The following GRSF1 variants were observed in gnomAD, a reference collection of about 807,000 sequenced individuals.
GRSF1 encodes G-rich RNA sequence binding factor 1, also known as G-rich sequence factor 1.
GRSF1 carries 50 observed loss-of-function variants against 51.1 expected under a neutral mutation model. The observed-to-expected ratio is 0.98, with a 90% CI of 0.78 to 1.24. The LOEUF (loss-of-function observed/expected upper bound fraction) is 1.24. Ranked by LOEUF, GRSF1 falls within the 50% of genes most tolerant of loss-of-function variation. The pLI, the probability that GRSF1 is intolerant of heterozygous loss-of-function variation, is 0.00. For missense variants in GRSF1, 700 were observed against 639.7 expected, an observed-to-expected ratio of 1.09 and a Z score of -1.02; for synonymous variants, 293 against 253.3, an observed-to-expected ratio of 1.16 and a Z score of -1.49.
Position 70,817,030 on chromosome 4 carries a change from CACTT to C in GRSF1, c.*3853_*3856del, listed in dbSNP as rs1278128232. 2.0e-5 allele frequency: 3 copies of C among 152,128 alleles called. No individual in the cohort carries two copies. The highest frequency in any genetic ancestry group is 2.1e-4 in the South Asian group (1 of 4,824). 9.4% of individuals were successfully genotyped at this position (152,128 alleles called of 1,614,324 possible). A position where few individuals can be genotyped will look rare whatever the true frequency, so the allele number is the denominator to read the frequency against. On this transcript the variant is annotated 3_prime_UTR_variant, in exon 10 of 10. Transcript: ENST00000254799. ...TAAAAGAAATGACAACACCCACTAA[CACTT>C]GCTTATAAATAAAGTAAAAGTCACT...
In GRSF1 at chr4:70,818,876, T is replaced by G. The variant is rs908596265; in HGVS notation, c.*2011A>C. The G allele has an allele frequency of 1.3e-5, 2 of 152,150 alleles. No individual in the cohort carries two copies. Among genetic ancestry groups the G allele is most frequent in the Non-Finnish European group, 2.9e-5 (2 of 68,010 alleles). The allele number at this position is 152,150 out of a possible 1,614,324, so 9.4% of individuals were successfully genotyped here. A position where few individuals can be genotyped will look rare whatever the true frequency, so the allele number is the denominator to read the frequency against. On this transcript the variant is annotated 3_prime_UTR_variant, in exon 10 of 10. Transcript: ENST00000254799. ...TGATGCAAAACAGTCTTCTCAAATG[T>G]GGGGAGACGGTACCGTCTTCCACTT...
upstream of GRSF1, among the ~76,000 whole-genome samples, chr4:70,841,606 T>C (rs536296412): frequency 1.3e-5 from 2 of 152,350 alleles, no homozygotes; most frequent in African/African-American, 4.8e-5. Context: ...ATCTATCCCC[T>C]ACCACCATCT....
chr4:70,839,702 G>T lies in GRSF1; in HGVS notation c.126C>A (p.Gly42=). ...GCAGCAGGCGGCGGCGGCCCGAGAC[G>T]CCCGACGGGATAGAGCCAGCGGCGG... The part of the protein sequence containing the change: ...FYSAAGSIPS[G]VSGRRRLLLL... Residue 42 remains glycine, a synonymous_variant, in exon 1 of 10, where the codon GGC becomes GGA. Transcript: ENST00000254799. 1.4e-6 allele frequency: 2 copies of T among 1,467,934 alleles called. No individual in the cohort carries two copies. Among genetic ancestry groups the T allele is most frequent in the African/African-American group, 3.0e-5 (2 of 67,542 alleles). The allele number at this position is 1,467,934 out of a possible 1,614,324, so 90.9% of individuals were successfully genotyped here. A position where few individuals can be genotyped will look rare whatever the true frequency, so the allele number is the denominator to read the frequency against.
At chr4:70,825,724 G>A (rs554643829) in intron 7 of GRSF1, 2 of 296,294 alleles carry the variant, frequency 6.8e-6, no homozygotes, top group South Asian at 5.5e-5. Context: ...TTGAGGTCAG[G>A]AGATCAAAAC....
chr4:70,832,879 C>T (rs1734039907), intron 3 of GRSF1, among the ~76,000 whole-genome samples: 1 of 152,172 alleles, frequency 6.6e-6, no homozygotes, highest in African/African-American at 2.4e-5. Context: ...ACCCAGGAGG[C>T]AGAGGTTGCA....
intron 9 of GRSF1, among the ~76,000 whole-genome samples, chr4:70,821,673 CTT>C (rs377564579): frequency 0.83 from 88,368 of 107,016 alleles, 36,938 homozygotes; most frequent in East Asian, 0.96. Flanking sequence ...TTTTTTGTTC[CTT>C]TTTTTTTTTT....
At chr4:70,827,450 A>G (rs1157236073) in intron 6 of GRSF1, among the ~76,000 whole-genome samples, 1 of 152,142 alleles carries the variant, frequency 6.6e-6, no homozygotes, top group African/African-American at 2.4e-5. Context: ...CTAGCAAAAT[A>G]ATTAAGCCTT....
intron 6 of GRSF1, among the ~76,000 whole-genome samples, chr4:70,827,358 A>C (rs1439596438): frequency 6.6e-6 from 1 of 152,138 alleles, no homozygotes; most frequent in Non-Finnish European, 1.5e-5. Flanking sequence ...TCTTAATTTA[A>C]ATGTTGACAT....
intron 1 of GRSF1, chr4:70,839,061 C>T (rs1734345327): frequency 2.6e-6 from 3 of 1,147,516 alleles, no homozygotes; most frequent in Non-Finnish European, 3.4e-6. Flanking sequence ...GCCTAGCGCT[C>T]GGGCTGCACG....
rs186528847 is a variant in GRSF1 at position 70,831,941 on chromosome 4, T to C, written c.815-267A>G. On this transcript the variant is annotated intron_variant, in intron 4 of 9. Coordinates refer to ENST00000254799, the MANE Select transcript of GRSF1 (RefSeq NM_002092.4). ...TTTTTTTTTTTTGCTGTTAATTATATACTAGGAAACAATAGAAATCACAGA... is the reference window on the plus strand; with the variant it reads ...TTTTTTTTTTTTGCTGTTAATTATACACTAGGAAACAATAGAAATCACAGA... 2.6e-3 allele frequency among the ~76,000 whole-genome samples: 393 copies of C among 150,206 alleles called. 1 individual carries two copies. Among genetic ancestry groups the C allele is most frequent in the Admixed American group, 4.7e-3 (71 of 14,992 alleles).
chr4:70,839,832 T>G lies in GRSF1; in HGVS notation c.-5A>C. ...TACCCAGCGCGTGCCGGCCATGGACTCCGGAGGCGGCGCAGGGCCTGAAGG... is the reference window on the plus strand; with the variant it reads ...TACCCAGCGCGTGCCGGCCATGGACGCCGGAGGCGGCGCAGGGCCTGAAGG... On this transcript the variant is annotated 5_prime_UTR_variant, in exon 1 of 10. Coordinates refer to ENST00000254799, the MANE Select transcript of GRSF1 (RefSeq NM_002092.4). 2 of 1,489,582 alleles carry G rather than the reference T, an allele frequency of 1.3e-6. No individual in the cohort carries two copies. Among genetic ancestry groups the G allele is most frequent in the Non-Finnish European group, 1.8e-6 (2 of 1,127,708 alleles). The allele number at this position is 1,489,582 out of a possible 1,614,324, so 92.3% of individuals were successfully genotyped here.
rs768000157 is a variant in GRSF1, at chr4:70,833,140, G to T, written c.648C>A (p.Tyr216Ter). The T allele has an allele frequency of 6.2e-7, 1 of 1,613,800 alleles. No individual in the cohort carries two copies. Among genetic ancestry groups the T allele is most frequent in the African/African-American group, 1.3e-5 (1 of 74,904 alleles). ...TACCTTCCACATACCGCTGGCCCATGTACATGCGGTGCTTCTCTAAGGCTT... is the reference window on the plus strand; with the variant it reads ...TACCTTCCACATACCGCTGGCCCATTTACATGCGGTGCTTCTCTAAGGCTT... ...VQKALEKHRM[Y>*]MGQRYVEVYE... Residue 216 changes from tyrosine (Y) to a stop codon, truncating the protein, a stop_gained, in exon 3 of 10, where the codon TAC becomes TAA. Coordinates refer to ENST00000254799, the MANE Select transcript of GRSF1 (RefSeq NM_002092.4). LOFTEE classifies it high-confidence loss of function.
At chr4:70,823,362 A>T (rs1037833371) in intron 9 of GRSF1, among the ~76,000 whole-genome samples, 1 of 151,928 alleles carries the variant, frequency 6.6e-6, no homozygotes. Flanking sequence ...GAGCCATTGC[A>T]CTCCAGCCTG....
At chr4:70,837,685 G>A (rs1416005448) in intron 1 of GRSF1, among the ~76,000 whole-genome samples, 4 of 150,672 alleles carry the variant, frequency 2.7e-5, no homozygotes, top group Non-Finnish European at 5.9e-5. Flanking sequence ...TTGTCGCCCA[G>A]ACTAGAGTAT....
Position 70,839,735 on chromosome 4 carries a change from G to GGGCA in GRSF1, c.89_92dup (p.Phe32AlafsTer104). 6.7e-7 allele frequency: 1 copy of GGGCA among 1,502,924 alleles called. No individual in the cohort carries two copies. Among genetic ancestry groups the GGGCA allele is most frequent in the Non-Finnish European group, 8.8e-7 (1 of 1,133,492 alleles). 93.1% of individuals were successfully genotyped at this position (1,502,924 alleles called of 1,614,324 possible). On this transcript the variant is annotated frameshift_variant, in exon 1 of 10. Transcript: ENST00000254799. LOFTEE classifies it high-confidence loss of function. The stretch of plus-strand genomic sequence containing the variant: ...GGATAGAGCCAGCGGCGGAGTAGAA[G>GGGCA]GGCAGGCAGGCGGCGCCGGTGCGCC...
At chr4:70,839,125 C>T (rs1438905361) in intron 1 of GRSF1, 11 of 1,303,146 alleles carry the variant, frequency 8.4e-6, no homozygotes, top group Non-Finnish European at 1.1e-5. Context: ...AACCAGCCGG[C>T]GGAAAGCAAG....
intron 2 of GRSF1, among the ~76,000 whole-genome samples, chr4:70,833,501 T>C (rs959166645): frequency 2.0e-4 from 31 of 152,200 alleles, no homozygotes; most frequent in African/African-American, 7.5e-4. Context: ...ATGATCTCCT[T>C]CCTGATCATT....
chr4:70,823,472 C>A (rs1235892419), intron 9 of GRSF1, among the ~76,000 whole-genome samples: 1 of 96,576 alleles, frequency 1.0e-5, no homozygotes, highest in African/African-American at 3.3e-5. Flanking sequence ...TATTTCCCAG[C>A]AGAATTTTCT....
chr4:70,825,933 A>G lies in GRSF1; in HGVS notation c.1257+191T>C. The stretch of plus-strand genomic sequence containing the variant: ...GGCGACAGAGCGAGACTCTGTCACA[A>G]AAAAAAGTAATACCAAGCCACACTT... On this transcript the variant is annotated intron_variant, in intron 7 of 9. Transcript: ENST00000254799. 3 of 530,602 alleles carry G rather than the reference A, an allele frequency of 5.7e-6. No homozygotes were observed. In the South Asian group the frequency reaches 6.6e-5, roughly 12 times the overall value. The allele number at this position is 530,602 out of a possible 1,614,324, so 32.9% of individuals were successfully genotyped here.
Sources: gnomAD v4.1 joint callset for allele counts (sites outside exome capture counted in the v4.1 genomes callset) on GRCh38, gnomAD v4.1.1 for gene constraint, MANE v1.5 for transcripts, NCBI Gene and HGNC (gene_info 2026-07-23, HGNC 2026-07-21) for gene names.